PCCA: variants seen among roughly 807,000 people sequenced by gnomAD.
The protein encoded by PCCA is propionyl-CoA carboxylase subunit alpha.
Under a neutral mutation model 101.3 loss-of-function variants are expected in PCCA, and 74 were observed. The ratio of observed to expected loss-of-function variants is 0.73; its 90% CI spans 0.61 to 0.89. The LOEUF is 0.89. PCCA is among the 40% of genes least tolerant of loss of function. PCCA has a pLI of 0.00. For synonymous variants in PCCA, 294 were observed against 313.6 expected (o/e 0.94, Z 0.66); for missense variants, 891 against 907.0 (o/e 0.98, Z 0.23).
intron 7 of PCCA, among the ~76,000 whole-genome samples, chr13:100,221,536 GAGAAA>G (rs2059807660): frequency 6.6e-6 from 1 of 152,124 alleles, no homozygotes; most frequent in African/African-American, 2.4e-5. Flanking sequence ...AGGTAGACAG[GAGAAA>G]AGAAATCTCA....
chr13:100,362,427 C>T (rs991710524), intron 18 of PCCA, among the ~76,000 whole-genome samples: 1 of 152,164 alleles, frequency 6.6e-6, no homozygotes, highest in Non-Finnish European at 1.5e-5. Context: ...CCTTTTATCT[C>T]ATGTAAGCAG....
chr13:100,169,189 C>A (rs1390445208), intron 6 of PCCA, among the ~76,000 whole-genome samples: 1 of 152,090 alleles, frequency 6.6e-6, no homozygotes, highest in African/African-American at 2.4e-5. Context: ...CGCTTGTAAT[C>A]CCAGCACTTT....
intron 4 of PCCA, among the ~76,000 whole-genome samples, chr13:100,139,911 T>G (rs1020530101): frequency 6.6e-6 from 1 of 152,122 alleles, no homozygotes; most frequent in African/African-American, 2.4e-5. Flanking sequence ...CAGTTTTTTT[T>G]TGTTTTTTTT....
At chr13:100,176,275 G>A (rs2056232277) in intron 6 of PCCA, among the ~76,000 whole-genome samples, 1 of 152,062 alleles carries the variant, frequency 6.6e-6, no homozygotes, top group Non-Finnish European at 1.5e-5. Flanking sequence ...TTTTCTTTTT[G>A]TAGAAAAACT....
intron 4 of PCCA, among the ~76,000 whole-genome samples, chr13:100,153,791 A>T (rs528735842): frequency 1.3e-5 from 2 of 152,320 alleles, no homozygotes; most frequent in South Asian, 2.1e-4. Context: ...TACCGAATGT[A>T]TATATTTGGA....
chr13:100,237,978 GC>G (rs1366571843), intron 8 of PCCA, among the ~76,000 whole-genome samples: 4 of 122,790 alleles, frequency 3.3e-5, no homozygotes, highest in African/African-American at 1.3e-4. Flanking sequence ...CACTCTTGTT[GC>G]CCAGGTTGGA....
In PCCA at chr13:100,302,963, T is replaced by C. The variant is rs2066177786; in HGVS notation, c.1249T>C (p.Leu417=). ...TTTTGGTTTACCATCTATTGGGAGA[T>C]TGTCTCAGTACCAAGAACCGTTACA... ...KSFGLPSIGR[L]SQYQEPLHLP... The change falls in exon 14 of 24, where the codon TTG becomes CTG. Residue 417 remains leucine, a synonymous_variant. Coordinates refer to ENST00000376285, the MANE Select transcript of PCCA (RefSeq NM_000282.4). The C allele has an allele frequency of 1.9e-6, 3 of 1,607,274 alleles. No homozygotes were observed. The African/African-American group carries it at 4.0e-5, about 21-fold the overall frequency.
chr13:100,243,664 C>A (rs911230786), intron 8 of PCCA, among the ~76,000 whole-genome samples: 2 of 152,106 alleles, frequency 1.3e-5, no homozygotes, highest in African/African-American at 2.4e-5. Flanking sequence ...TTTTACTGAA[C>A]CTTATTGCCT....
intron 4 of PCCA, among the ~76,000 whole-genome samples, chr13:100,129,379 C>A (rs2050270354): frequency 6.6e-6 from 1 of 152,114 alleles, no homozygotes; most frequent in Non-Finnish European, 1.5e-5. Flanking sequence ...CTTTCTTACT[C>A]TGTTTTGGAA....
At chr13:100,103,851 G>A (rs1566473404) in intron 2 of PCCA, among the ~76,000 whole-genome samples, 1 of 151,868 alleles carries the variant, frequency 6.6e-6, no homozygotes, top group Non-Finnish European at 1.5e-5. Context: ...GGCCAGGCTG[G>A]TCTCAAACTC....
At chr13:100,382,397 A>T (rs558542807) in intron 19 of PCCA, among the ~76,000 whole-genome samples, 8 of 152,000 alleles carry the variant, frequency 5.3e-5, no homozygotes, top group Non-Finnish European at 1.2e-4. Context: ...TAGGCACAGG[A>T]TGAGGTGGGG....
chr13:100,113,859 G>A (rs1229010973), intron 4 of PCCA, among the ~76,000 whole-genome samples: 2 of 152,018 alleles, frequency 1.3e-5, no homozygotes, highest in African/African-American at 4.8e-5. Context: ...GATTACAAGC[G>A]TGAGCCACCA....
chr13:100,199,210 A>G (rs2058319249), intron 6 of PCCA, among the ~76,000 whole-genome samples: 2 of 152,166 alleles, frequency 1.3e-5, no homozygotes, highest in African/African-American at 4.8e-5. Context: ...AATCCTGGAA[A>G]GCTGTGTGAC....
intron 2 of PCCA, 53 bp from the exon 3 acceptor site, chr13:100,111,788 A>C (rs2048343848): frequency 1.5e-6 from 2 of 1,325,576 alleles, no homozygotes; most frequent in Non-Finnish European, 2.2e-6. Flanking sequence ...TTGGTCTTAA[A>C]CCATCGGTTT....
At chr13:100,353,134 C>A (rs1303582593) in intron 18 of PCCA, among the ~76,000 whole-genome samples, 1 of 152,114 alleles carries the variant, frequency 6.6e-6, no homozygotes, top group African/African-American at 2.4e-5. Context: ...ACACAATTCC[C>A]AAATATGTGA....
chr13:100,091,483 A>G (rs969774591), intron 1 of PCCA, among the ~76,000 whole-genome samples: 1 of 152,190 alleles, frequency 6.6e-6, no homozygotes, highest in Non-Finnish European at 1.5e-5. Context: ...GGTGGGAAGC[A>G]TCTCTGAAGT....
intron 20 of PCCA, among the ~76,000 whole-genome samples, chr13:100,426,037 T>C (rs1178667854): frequency 6.6e-6 from 1 of 152,168 alleles, no homozygotes; most frequent in East Asian, 1.9e-4. Context: ...TCTGTGGGTT[T>C]TTAGTTGTAA....
rs539009240 is a variant in PCCA, at chr13:100,342,425, G to A, written c.1643+2166G>A. Reference sequence around the variant, plus strand: ...ACTACAGGCATACACTACCACATCTGGCTAATTTTTTTTTGTATTTTCAGT... The same window carrying A: ...ACTACAGGCATACACTACCACATCTAGCTAATTTTTTTTTGTATTTTCAGT... On this transcript the variant is annotated intron_variant, in intron 18 of 23. Coordinates refer to ENST00000376285, the MANE Select transcript of PCCA (RefSeq NM_000282.4). 3.3e-5 allele frequency among the ~76,000 whole-genome samples: 5 copies of A among 152,022 alleles called. No individual in the cohort carries two copies. The East Asian group carries it at 9.8e-4, about 30-fold the overall frequency.
intron 6 of PCCA, among the ~76,000 whole-genome samples, chr13:100,176,975 G>A (rs1357333074): frequency 2.0e-5 from 3 of 152,204 alleles, no homozygotes; most frequent in African/African-American, 7.2e-5. Flanking sequence ...GTGGGATTAA[G>A]TTCTGGTAAA....
Sources: gnomAD v4.1 joint callset for allele counts (sites outside exome capture counted in the v4.1 genomes callset) on GRCh38, gnomAD v4.1.1 for gene constraint, MANE v1.5 for transcripts, NCBI Gene and HGNC (gene_info 2026-07-23, HGNC 2026-07-21) for gene names.